Variants in TNFAIP8 observed in about 807,000 individuals in gnomAD.
The protein encoded by TNFAIP8 is TNF alpha induced protein 8.
TNFAIP8 carries 7 observed loss-of-function variants against 13.3 expected under a neutral mutation model. That is an observed-to-expected ratio of 0.52 (90% CI 0.30 to 0.99). The LOEUF is 0.99. TNFAIP8 is among the 50% of genes least tolerant of loss of function. The pLI, the probability that TNFAIP8 is intolerant of heterozygous loss-of-function variation, is 0.07. For synonymous variants in TNFAIP8, 94 were observed against 87.6 expected (o/e 1.07, Z -0.41); for missense variants, 258 against 236.9 (o/e 1.09, Z -0.58).
chr5:119,327,616 G>A (rs1370222930), intron 1 of TNFAIP8, among the ~76,000 whole-genome samples: 3 of 151,932 alleles, frequency 2.0e-5, no homozygotes, highest in Non-Finnish European at 2.9e-5. Flanking sequence ...CCACTACCAC[G>A]CCTGGCTAAT....
chr5:119,306,343 A>G (rs1271827538), intron 1 of TNFAIP8: 1 of 126,880 alleles, frequency 7.9e-6, no homozygotes, highest in African/African-American at 3.3e-5. Flanking sequence ...TTTTTTTTCC[A>G]AGATGGGGTG....
chr5:119,284,937 GA>G (rs1275846945), intron 1 of TNFAIP8, among the ~76,000 whole-genome samples: 4 of 152,190 alleles, frequency 2.6e-5, no homozygotes, highest in Non-Finnish European at 5.9e-5. Flanking sequence ...GGTGGAGAAA[GA>G]AGTTAAAATT....
intron 1 of TNFAIP8, among the ~76,000 whole-genome samples, chr5:119,357,154 C>T (rs1751457688): frequency 6.6e-6 from 1 of 152,128 alleles, no homozygotes; most frequent in Non-Finnish European, 1.5e-5. Context: ...CTTTGTGTTT[C>T]ACCATGTAGT....
intron 1 of TNFAIP8, among the ~76,000 whole-genome samples, chr5:119,282,700 T>G (rs754315749): frequency 2.6e-5 from 4 of 152,212 alleles, no homozygotes; most frequent in Non-Finnish European, 5.9e-5. Context: ...ATGTGGGGCA[T>G]AGACCCCAGC....
rs143085699 is a variant in TNFAIP8 at position 119,293,891 on chromosome 5, A to G, written c.1+24984A>G. Among the ~76,000 whole-genome samples, 892 of 152,276 alleles carry G rather than the reference A, an allele frequency of 5.9e-3. 5 individuals are homozygous for G. The highest frequency in any genetic ancestry group is 8.4e-3 in the Non-Finnish European group (573 of 68,012). On this transcript the variant is annotated intron_variant, in intron 1 of 1. Coordinates refer to the TNFAIP8 transcript ENST00000274456. ...TTAAAAGGGCAGTCACATGCATGTT[A>G]TTGTATGGATGTCAGATAACACTTG...
intron 1 of TNFAIP8, among the ~76,000 whole-genome samples, chr5:119,376,364 G>T (rs887270525): frequency 6.7e-6 from 1 of 150,060 alleles, no homozygotes; most frequent in South Asian, 2.1e-4. Context: ...CAGGTGATCC[G>T]CCCACCTCAG....
intron 1 of TNFAIP8, among the ~76,000 whole-genome samples, chr5:119,364,841 G>GTTTT (rs10714712): frequency 2.4e-4 from 21 of 88,710 alleles, no homozygotes; most frequent in African/African-American, 6.5e-4. Context: ...TTTCTTTTCA[G>GTTTT]TTTTTTTTTT....
chr5:119,288,586 G>A (rs908058808), intron 1 of TNFAIP8, among the ~76,000 whole-genome samples: 1 of 152,196 alleles, frequency 6.6e-6, no homozygotes, highest in Non-Finnish European at 1.5e-5. Context: ...AAGCTGTTGG[G>A]AACAGCTGGA....
At chr5:119,351,788 C>CTTTTTTT (rs1177061965), upstream of TNFAIP8, among the ~76,000 whole-genome samples, 97 of 138,234 alleles carry the variant, frequency 7.0e-4, 2 homozygotes, top group African/African-American at 2.1e-3. Context: ...TTTTCTTTTT[C>CTTTTTTT]TTTTTTTCTT....
upstream of TNFAIP8, chr5:119,355,821 G>C: frequency 4.1e-5 from 36 of 883,138 alleles, no homozygotes; most frequent in Non-Finnish European, 4.9e-5. Flanking sequence ...AGCCCCGCCA[G>C]GTCGCCTCCG....
intron 1 of TNFAIP8, chr5:119,306,314 C>CTTTTTTTTTTTTTTTTTTTTTTTTTTT (rs1324521590): frequency 2.2e-5 from 3 of 135,928 alleles, no homozygotes; most frequent in African/African-American, 1.0e-4. Flanking sequence ...TTCTTTCTTT[C>CTTTTTTTTTTTTTTTTTTTTTTTTTTT]TTTCTTTTTC....
chr5:119,382,634 A>G (rs1473584707), intron 1 of TNFAIP8, among the ~76,000 whole-genome samples: 3 of 152,244 alleles, frequency 2.0e-5, no homozygotes, highest in African/African-American at 7.2e-5. Flanking sequence ...AGCACTTTAT[A>G]TGGATTACTT....
At chr5:119,294,087 G>A (rs1485837240) in intron 1 of TNFAIP8, among the ~76,000 whole-genome samples, 1 of 151,286 alleles carries the variant, frequency 6.6e-6, no homozygotes, top group East Asian at 1.9e-4. Flanking sequence ...GGGTACATGT[G>A]CACAGTGTGC....
chr5:119,388,634 T>TCTTTC (rs1278084841), intron 1 of TNFAIP8, among the ~76,000 whole-genome samples: 2 of 151,410 alleles, frequency 1.3e-5, no homozygotes, highest in Admixed American at 6.6e-5. Context: ...TCTTTTTTTT[T>TCTTTC]CTTTTCTTTT....
At chr5:119,304,514 C>G (rs1275314120) in intron 1 of TNFAIP8, among the ~76,000 whole-genome samples, 1 of 152,182 alleles carries the variant, frequency 6.6e-6, no homozygotes, top group East Asian at 1.9e-4. Context: ...AACCTGATCC[C>G]CTTCCCTGAT....
intron 1 of TNFAIP8, among the ~76,000 whole-genome samples, chr5:119,313,965 A>G (rs1386436367): frequency 6.6e-6 from 1 of 152,232 alleles, no homozygotes; most frequent in Non-Finnish European, 1.5e-5. Context: ...AAACAAAATT[A>G]AGTTAGTTTT....
intron 1 of TNFAIP8, among the ~76,000 whole-genome samples, chr5:119,338,578 A>G (rs1294020584): frequency 1.3e-5 from 2 of 152,214 alleles, no homozygotes; most frequent in African/African-American, 2.4e-5. Context: ...GGGCAAAAGC[A>G]TTGATCAGTT....
intron 1 of TNFAIP8, among the ~76,000 whole-genome samples, chr5:119,269,346 A>C (rs1469475147): frequency 1.3e-5 from 2 of 152,142 alleles, no homozygotes. Context: ...CTGGCCTGAG[A>C]TTGTAATCCA....
At chr5:119,312,806 A>G (rs1749775419) in intron 1 of TNFAIP8, among the ~76,000 whole-genome samples, 1 of 151,964 alleles carries the variant, frequency 6.6e-6, no homozygotes, top group Admixed American at 6.6e-5. Context: ...AATGTTGGGT[A>G]ACTACAGTGA....
Sources: gnomAD v4.1 joint callset for allele counts (sites outside exome capture counted in the v4.1 genomes callset) on GRCh38, gnomAD v4.1.1 for gene constraint, MANE v1.5 for transcripts, NCBI Gene and HGNC (gene_info 2026-07-23, HGNC 2026-07-21) for gene names.